Variants in RMDN2 observed in about 807,000 individuals in gnomAD.
RMDN2 encodes regulator of microtubule dynamics protein 2.
Under a neutral mutation model 52.8 loss-of-function variants are expected in RMDN2, and 61 were observed. That is an observed-to-expected ratio of 1.16 (90% CI 0.94 to 1.43). RMDN2 has a LOEUF of 1.43. RMDN2 is among the 40% of genes most tolerant of loss of function. The pLI is 0.00. For missense variants in RMDN2, 592 were observed against 475.3 expected (o/e 1.25, Z -2.28); for synonymous variants, 180 against 153.1 (o/e 1.18, Z -1.30).
At chr2:37,966,148 G>A (rs927800513) in intron 2 of RMDN2, among the ~76,000 whole-genome samples, 7 of 152,156 alleles carry the variant, frequency 4.6e-5, no homozygotes, top group East Asian at 3.9e-4. Flanking sequence ...GTGGCCGGGC[G>A]TGGTGGCTCA....
At chr2:37,972,717 G>T (rs76650480) in intron 2 of RMDN2, among the ~76,000 whole-genome samples, 19,390 of 152,058 alleles carry the variant, frequency 0.13, 1,452 homozygotes, top group Non-Finnish European at 0.17. Flanking sequence ...GACCAAGGTG[G>T]TAGTGGGGAG....
intron 5 of RMDN2, among the ~76,000 whole-genome samples, chr2:37,981,609 A>G (rs1455157769): frequency 6.6e-6 from 1 of 152,250 alleles, no homozygotes; most frequent in African/African-American, 2.4e-5. Context: ...ATACGTTATA[A>G]TTAAATCTAG....
chr2:38,033,361 A>G (rs1052905173), intron 10 of RMDN2, among the ~76,000 whole-genome samples: 1 of 152,190 alleles, frequency 6.6e-6, no homozygotes, highest in East Asian at 1.9e-4. Flanking sequence ...AACCCACTCT[A>G]TAGAAAGTCA....
chr2:38,005,061 G>A (rs1208318758), intron 10 of RMDN2, among the ~76,000 whole-genome samples: 1 of 152,058 alleles, frequency 6.6e-6, no homozygotes, highest in Admixed American at 6.6e-5. Flanking sequence ...GTATTCCATG[G>A]TGTATATGTG....
At chr2:38,062,091 C>G (rs1682075828) in intron 10 of RMDN2, among the ~76,000 whole-genome samples, 1 of 152,212 alleles carries the variant, frequency 6.6e-6, no homozygotes, top group Non-Finnish European at 1.5e-5. Context: ...ACCAATTCCC[C>G]TTTAACATTT....
At chr2:37,998,798 G>T (rs7586952) in intron 8 of RMDN2, among the ~76,000 whole-genome samples, 68,571 of 151,848 alleles carry the variant, frequency 0.45, 15,893 homozygotes, top group East Asian at 0.78. Context: ...TTTTTTTGTT[G>T]TATAAAAAGG....
chr2:38,043,247 C>CATCT (rs1681074772), intron 10 of RMDN2, among the ~76,000 whole-genome samples: 1 of 151,998 alleles, frequency 6.6e-6, no homozygotes, highest in South Asian at 2.1e-4. Context: ...ATGTAGTGAC[C>CATCT]ATCTCTGTGT....
At chr2:37,993,510 C>G (rs1675097017) in intron 7 of RMDN2, among the ~76,000 whole-genome samples, 1 of 149,726 alleles carries the variant, frequency 6.7e-6, no homozygotes, top group African/African-American at 2.5e-5. Context: ...AATGGAAGAA[C>G]CTACAGAAAA....
At chr2:38,022,383 T>A (rs920153526), downstream of RMDN2, among the ~76,000 whole-genome samples, 5 of 152,190 alleles carry the variant, frequency 3.3e-5, no homozygotes, top group African/African-American at 1.2e-4. Context: ...GTGCTTGACC[T>A]CAGAGAAGAC....
chr2:38,030,002 A>C (rs1202429166), intron 10 of RMDN2: 1 of 152,138 alleles, frequency 6.6e-6, no homozygotes, highest in African/African-American at 2.4e-5. Context: ...AGGCTTACTC[A>C]CTACCACGAG....
chr2:37,997,482 A>G lies in RMDN2; in HGVS notation c.1012A>G (p.Thr338Ala). Residue 338 changes from threonine to alanine, a missense_variant, in exon 8 of 11, where the codon ACT becomes GCT. Coordinates refer to ENST00000354545, the MANE Select transcript of RMDN2 (RefSeq NM_001170791.3). ...ATLFGKIPSS[T>A]VQEALHNFLK... The stretch of plus-strand genomic sequence containing the variant: ...TCTGTTTGGAAAAATACCATCTTCA[A>G]CTGTACAAGAAGCTTTACACAATTT... 6.2e-7 allele frequency: 1 copy of G among 1,613,480 alleles called. No individual in the cohort carries two copies. Among genetic ancestry groups the G allele is most frequent in the Non-Finnish European group, 8.5e-7 (1 of 1,179,460 alleles).
chr2:37,995,523 T>C (rs1675424648), intron 7 of RMDN2, among the ~76,000 whole-genome samples: 1 of 152,182 alleles, frequency 6.6e-6, no homozygotes, highest in Admixed American at 6.5e-5. Context: ...ATTATAAGGA[T>C]AAATGTACAG....
Position 38,014,790 on chromosome 2 carries a change from T to C in RMDN2, c.1180-2396T>C, listed in dbSNP as rs187797602. Among the ~76,000 whole-genome samples, 353 of 152,342 alleles carry C rather than the reference T, an allele frequency of 2.3e-3. 2 individuals are homozygous for C. Among genetic ancestry groups the C allele is most frequent in the Middle Eastern group, 0.014 (4 of 294 alleles). The stretch of plus-strand genomic sequence containing the variant: ...TATAGAGGTGTACTCTGCTAGAGGC[T>C]TGTGATACAAAGAGAAAAAAACAGA... On this transcript the variant is annotated intron_variant, in intron 10 of 10. Coordinates refer to ENST00000354545, the MANE Select transcript of RMDN2 (RefSeq NM_001170791.3).
At chr2:37,995,645 C>G (rs1675439415) in intron 7 of RMDN2, among the ~76,000 whole-genome samples, 1 of 152,090 alleles carries the variant, frequency 6.6e-6, no homozygotes, top group South Asian at 2.1e-4. Flanking sequence ...TAAGCTTGAT[C>G]TAATAAATAT....
intron 10 of RMDN2, among the ~76,000 whole-genome samples, chr2:38,045,385 C>T (rs4670235): frequency 0.29 from 44,385 of 152,114 alleles, 8,042 homozygotes; most frequent in South Asian, 0.49. Context: ...AACTGCTGCA[C>T]AAATGTAGGC....
intron 10 of RMDN2, chr2:38,012,583 C>T (rs1248477939): frequency 3.2e-5 from 15 of 468,418 alleles, no homozygotes; most frequent in South Asian, 2.4e-4. Context: ...ATATTTCTCA[C>T]ATTGCATTTT....
At chr2:37,961,104 C>T (rs1257001644) in intron 2 of RMDN2, among the ~76,000 whole-genome samples, 1 of 152,168 alleles carries the variant, frequency 6.6e-6, no homozygotes, top group Non-Finnish European at 1.5e-5. Flanking sequence ...TGACCTTTCT[C>T]TCTGGCTGCC....
intron 8 of RMDN2, among the ~76,000 whole-genome samples, chr2:38,000,793 C>T (rs957955838): frequency 1.3e-5 from 2 of 152,192 alleles, no homozygotes; most frequent in African/African-American, 2.4e-5. Flanking sequence ...TTGCATAAAG[C>T]TTCTGTGAAC....
At chr2:37,988,194 A>G (rs1674296403) in intron 5 of RMDN2, among the ~76,000 whole-genome samples, 1 of 152,230 alleles carries the variant, frequency 6.6e-6, no homozygotes, top group African/African-American at 2.4e-5. Context: ...TTTTTTAAAT[A>G]AAAGAACATA....
Sources: allele counts gnomAD v4.1 joint callset (sites outside exome capture counted in the v4.1 genomes callset), GRCh38; gene constraint gnomAD v4.1.1; transcripts MANE v1.5; gene names NCBI Gene and HGNC (gene_info 2026-07-23, HGNC 2026-07-21).